GRIN3B: variants seen among roughly 807,000 people sequenced by gnomAD.
GRIN3B encodes the protein glutamate receptor ionotropic, NMDA 3B.
In GRIN3B, 77 loss-of-function variants were observed where a neutral mutation model predicts 66.0. That is an observed-to-expected ratio of 1.17 (90% CI 0.97 to 1.41). The LOEUF (loss-of-function observed/expected upper bound fraction) is 1.41, where lower values mean the gene tolerates loss of function less well. Ranked by LOEUF, GRIN3B falls within the 40% of genes most tolerant of loss-of-function variation. The pLI is 0.00. For missense variants in GRIN3B, 1,787 were observed against 1,564.5 expected (o/e 1.14, Z -2.40); for synonymous variants, 823 against 749.7 (o/e 1.10, Z -1.60).
chr19:1,009,627 C>A lies in GRIN3B; in HGVS notation c.*25C>A. 1 of 1,401,840 alleles carries A rather than the reference C, an allele frequency of 7.1e-7. No individual in the cohort carries two copies. Among genetic ancestry groups the A allele is most frequent in the Non-Finnish European group, 9.2e-7 (1 of 1,082,340 alleles). 86.8% of individuals were successfully genotyped at this position (1,401,840 alleles called of 1,614,324 possible). A position where few individuals can be genotyped will look rare whatever the true frequency, so the allele number is the denominator to read the frequency against. On this transcript the variant is annotated 3_prime_UTR_variant, in exon 9 of 9. Coordinates refer to ENST00000234389, the MANE Select transcript of GRIN3B (RefSeq NM_138690.3). ...AGGCGGCAGCCGGGCCGTTTGGGCT[C>A]AAGACACACACACAGCGCAGTGAGC... is the stretch of plus-strand genomic sequence containing the variant.
Position 1,005,088 on chromosome 19 carries a change from C to A in GRIN3B, c.1587C>A (p.Val529=). The change falls in exon 3 of 9, where the codon GTC becomes GTA. Residue 529 remains valine, a synonymous_variant. Coordinates refer to ENST00000234389, the MANE Select transcript of GRIN3B (RefSeq NM_138690.3). The surrounding 1 kb of genome is among the most constrained non-coding windows in gnomAD (Gnocchi z 5.2). The stretch of plus-strand genomic sequence containing the variant: ...TGGCCGGCCGGGCCCACATGGCGGT[C>A]ACCAGCTTCAGTATCAACTCCGCCC... ...DLLAGRAHMA[V]TSFSINSARS... 6.2e-7 allele frequency: 1 copy of A among 1,612,102 alleles called. No homozygotes were observed. Among genetic ancestry groups the A allele is most frequent in the Non-Finnish European group, 8.5e-7 (1 of 1,179,398 alleles).
rs770711156 is a variant in GRIN3B at position 1,005,244 on chromosome 19, C to T, written c.1743C>T (p.Val581=). 2.5e-5 allele frequency: 40 copies of T among 1,613,420 alleles called. No homozygotes were observed. In the South Asian group the frequency reaches 4.1e-4, roughly 16 times the overall value. Residue 581 remains valine, a synonymous_variant, in exon 3 of 9, where the codon GTC becomes GTT. Coordinates refer to ENST00000234389, the MANE Select transcript of GRIN3B (RefSeq NM_138690.3). The surrounding 1 kb of genome is among the most constrained non-coding windows in gnomAD (Gnocchi z 5.2). ...TGCACTGGTCCACGTGGCTGGGCGT[C>T]TTTGCGGCCCTGCACCTCACCGCGC... The part of the protein sequence containing the change: ...WPLHWSTWLG[V]FAALHLTALF...
Position 1,009,354 on chromosome 19 carries a change from TG to T in GRIN3B, c.2886del (p.Trp962CysfsTer123). 2 of 1,389,398 alleles carry T rather than the reference TG, an allele frequency of 1.4e-6. No homozygotes were observed. The highest frequency in any genetic ancestry group is 1.9e-6 in the Non-Finnish European group (2 of 1,080,990). The allele number at this position is 1,389,398 out of a possible 1,614,324, so 86.1% of individuals were successfully genotyped here. On this transcript the variant is annotated frameshift_variant, in exon 9 of 9. Transcript: ENST00000234389. LOFTEE classifies it low-confidence loss of function (END_TRUNC). ...AEAAPREGPV[W>X]LCSYGRPPAA... ...GGCTGCGCCGCGAGAGGGCCCCGTC[TG>T]GCTGTGCTCCTACGGCCGCCCGCCC...
chr19:1,008,072 C>A, intron 5 of GRIN3B, 68 bp from the exon 6 acceptor site: 2 of 1,566,322 alleles, frequency 1.3e-6, no homozygotes, highest in South Asian at 1.1e-5. Context: ...GGCGAAATCC[C>A]ACGTGTGCGG....
In GRIN3B at chr19:1,004,727, A is replaced by G; in HGVS notation, c.1226A>G (p.Gln409Arg). The G allele has an allele frequency of 6.2e-7, 1 of 1,606,716 alleles. No individual in the cohort carries two copies. The highest frequency in any genetic ancestry group is 1.3e-5 in the African/African-American group (1 of 74,876). Reference protein sequence around the residue: ...GGASARPPPPQGAQVWPKLRV... With the variant: ...GGASARPPPPRGAQVWPKLRV... Reference sequence around the variant, plus strand: ...GCCTCTGCACGGCCCCCGCCCCCACAGGGTGCCCAGGTCTGGCCCAAGCTG... The same window carrying G: ...GCCTCTGCACGGCCCCCGCCCCCACGGGGTGCCCAGGTCTGGCCCAAGCTG... Residue 409 changes from glutamine to arginine, a missense_variant, in exon 3 of 9, where the codon CAG becomes CGG. Coordinates refer to ENST00000234389, the MANE Select transcript of GRIN3B (RefSeq NM_138690.3).
At position 1,009,313 on chromosome 19, in the gene GRIN3B, C is replaced by G; in HGVS notation, c.2843C>G (p.Ala948Gly). Residue 948 changes from alanine (A) to glycine (G), a missense_variant, in exon 9 of 9, where the codon GCG becomes GGG. Physicochemically the swap from Ala to Gly is moderately conservative, Grantham distance 60. Coordinates refer to ENST00000234389, the MANE Select transcript of GRIN3B (RefSeq NM_138690.3). ...CCCGCCGTGGTTGTGGCACCCGAAG[C>G]GGACGCGGAGGCGGAGGCTGCGCCG... ...LEPAVVVAPE[A>G]DAEAEAAPRE... is the part of the protein sequence containing the mutation. The G allele has an allele frequency of 2.1e-6, 3 of 1,406,098 alleles. No homozygotes were observed. The highest frequency in any genetic ancestry group is 2.8e-6 in the Non-Finnish European group (3 of 1,090,042). 87.1% of individuals were successfully genotyped at this position (1,406,098 alleles called of 1,614,324 possible).
At position 1,005,380 on chromosome 19, in the gene GRIN3B, C is replaced by G. The variant is rs1456104518; in HGVS notation, c.1879C>G (p.Leu627Val). The G allele has an allele frequency of 1.2e-6, 2 of 1,613,766 alleles. No homozygotes were observed. Residue 627 changes from leucine (L) to valine (V), a missense_variant, in exon 3 of 9, where the codon CTC (leucine) becomes GTC (valine). Leu to Val is a conservative substitution (Grantham distance 32). Coordinates refer to ENST00000234389, the MANE Select transcript of GRIN3B (RefSeq NM_138690.3). The surrounding 1 kb of genome is among the most constrained non-coding windows in gnomAD (Gnocchi z 5.2). Reference protein sequence around the residue: ...SSALNLCYAILFRRTVSSKTP... With the variant: ...SSALNLCYAIVFRRTVSSKTP... The stretch of plus-strand genomic sequence containing the variant: ...AGCCCTCAACCTGTGCTACGCCATC[C>G]TCTTCAGACGCACCGTGTCCAGCAA...
rs1301604091 is a variant in GRIN3B at position 1,000,889 on chromosome 19, C to G, written c.426+26C>G. ...GTACGCGGGACGCCCGGAGTCAGGA[C>G]GAGGGGGACCCGGGGCGGGAGCGGG... On this transcript the variant is annotated intron_variant, in intron 1 of 8. Coordinates refer to ENST00000234389, the MANE Select transcript of GRIN3B (RefSeq NM_138690.3). The G allele has an allele frequency of 4.4e-6, 6 of 1,360,012 alleles. No homozygotes were observed. The African/African-American group carries it at 9.2e-5, about 21-fold the overall frequency. 84.2% of individuals were successfully genotyped at this position (1,360,012 alleles called of 1,614,324 possible).
intron 1 of GRIN3B, among the ~76,000 whole-genome samples, 191 bp from the exon 2 acceptor site, chr19:1,002,939 G>T (rs570536929): frequency 2.0e-5 from 3 of 152,264 alleles, no homozygotes; most frequent in East Asian, 3.9e-4. Flanking sequence ...GAGAGGCTGG[G>T]AGACTGAGCT....
intron 1 of GRIN3B, among the ~76,000 whole-genome samples, chr19:1,001,113 C>T (rs1599454269): frequency 6.6e-6 from 1 of 152,052 alleles, no homozygotes. Context: ...TCCAGGGACG[C>T]CCCTGGAACG....
chr19:1,000,424 C>T lies in GRIN3B; in HGVS notation c.-14C>T, dbSNP rs1185531448. 2.5e-6 allele frequency: 3 copies of T among 1,213,448 alleles called. No individual in the cohort carries two copies. Among genetic ancestry groups the T allele is most frequent in the Non-Finnish European group, 3.1e-6 (3 of 974,484 alleles). The allele number at this position is 1,213,448 out of a possible 1,614,324, so 75.2% of individuals were successfully genotyped here. On this transcript the variant is annotated 5_prime_UTR_variant, in exon 1 of 9. Transcript: ENST00000234389. ...TGGTTGCGCCCCGTGGCGAGCGACG[C>T]CGACAACTTTGCGATGGAGTTTGTG...
rs770471437 is a variant in GRIN3B, at chr19:1,004,885, G to A, written c.1384G>A (p.Ala462Thr). 20 of 1,601,368 alleles carry A rather than the reference G, an allele frequency of 1.2e-5. No individual in the cohort carries two copies. The highest frequency in any genetic ancestry group is 4.4e-5 in the South Asian group (4 of 90,788). The change falls in exon 3 of 9, where the codon GCG becomes ACG. Residue 462 changes from alanine to threonine, a missense_variant. Transcript: ENST00000234389. ...DSATLDALFAALANGSAPRAL... is the reference protein window; with the variant it reads ...DSATLDALFATLANGSAPRAL... ...GGCCACCCTGGACGCACTGTTCGCC[G>A]CGCTGGCCAACGGCTCAGCGCCCCG... is the stretch of plus-strand genomic sequence containing the variant.
intron 3 of GRIN3B, among the ~76,000 whole-genome samples, chr19:1,006,208 G>A (rs1047619371): frequency 2.6e-5 from 4 of 151,838 alleles, no homozygotes; most frequent in African/African-American, 9.7e-5. Context: ...GAGCGCAGTG[G>A]CACGATCTTG....
rs1196842772 is a variant in GRIN3B at position 1,007,831 on chromosome 19, T to C, written c.2199-25T>C. 1.3e-6 allele frequency: 2 copies of C among 1,577,836 alleles called. No individual in the cohort carries two copies. Among genetic ancestry groups the C allele is most frequent in the Admixed American group, 1.8e-5 (1 of 57,052 alleles). On this transcript the variant is annotated intron_variant, in intron 4 of 8. Transcript: ENST00000234389. This position sits in a 1 kb window ranked among gnomAD's most constrained non-coding sequence, Gnocchi z 4.4. ...GGCGTGGGGTGGGCGGGGCGATGGCTGACCCCCGCCCCCGGCCCCAGCAGG... is the reference window on the plus strand; with the variant it reads ...GGCGTGGGGTGGGCGGGGCGATGGCCGACCCCCGCCCCCGGCCCCAGCAGG...
intron 3 of GRIN3B, among the ~76,000 whole-genome samples, chr19:1,006,810 C>A (rs902830695): frequency 1.3e-5 from 2 of 152,234 alleles, no homozygotes; most frequent in Non-Finnish European, 2.9e-5. Context: ...CGCTGCACAG[C>A]TGAGCCGTCA....
intron 1 of GRIN3B, chr19:1,002,499 C>A (rs2145530767): frequency 6.8e-6 from 1 of 147,964 alleles, no homozygotes. Flanking sequence ...GGAGAACTTT[C>A]TGGATGGCAC....
In GRIN3B at chr19:1,007,657, C is replaced by A; in HGVS notation, c.2082C>A (p.Phe694Leu). ...ACCACCCGGCGCAGGGCTTCCGCTTCGGCACCGTGTGGGAGAGCAGCGCCG... is the reference window on the plus strand; with the variant it reads ...ACCACCCGGCGCAGGGCTTCCGCTTAGGCACCGTGTGGGAGAGCAGCGCCG... ...KLHHPAQGFR[F>L]GTVWESSAEA... is the part of the protein sequence containing the mutation. The change falls in exon 4 of 9, where the codon TTC (phenylalanine) becomes TTA (leucine). Residue 694 changes from phenylalanine (F) to leucine (L), a missense_variant. Coordinates refer to ENST00000234389, the MANE Select transcript of GRIN3B (RefSeq NM_138690.3). This position sits in a 1 kb window ranked among gnomAD's most constrained non-coding sequence, Gnocchi z 4.4. 1 of 1,528,286 alleles carries A rather than the reference C, an allele frequency of 6.5e-7. No individual in the cohort carries two copies. Among genetic ancestry groups the A allele is most frequent in the Non-Finnish European group, 8.8e-7 (1 of 1,140,052 alleles). 94.7% of individuals were successfully genotyped at this position (1,528,286 alleles called of 1,614,324 possible).
rs774489959 is a variant in GRIN3B at position 1,005,460 on chromosome 19, C to T, written c.1959C>T (p.Cys653=). 3 of 1,613,500 alleles carry T rather than the reference C, an allele frequency of 1.9e-6. No individual in the cohort carries two copies. The highest frequency in any genetic ancestry group is 2.5e-6 in the Non-Finnish European group (3 of 1,179,990). The change falls in exon 3 of 9, where the codon TGC becomes TGT. Residue 653 remains cysteine (C), a synonymous_variant. Coordinates refer to ENST00000234389, the MANE Select transcript of GRIN3B (RefSeq NM_138690.3). This position sits in a 1 kb window ranked among gnomAD's most constrained non-coding sequence, Gnocchi z 5.2. The part of the protein sequence containing the change: ...RLLMNLWAIF[C]LLVLSSYTAN... Reference sequence around the variant, plus strand: ...TCATGAACCTCTGGGCCATCTTCTGCCTGCTGGTGCTGTCCAGCTACACGG... The same window carrying T: ...TCATGAACCTCTGGGCCATCTTCTGTCTGCTGGTGCTGTCCAGCTACACGG...
rs746954525 is a variant in GRIN3B at position 1,005,281 on chromosome 19, G to A, written c.1780G>A (p.Val594Met). The change falls in exon 3 of 9, where the codon GTG (valine) becomes ATG (methionine). Residue 594 changes from valine to methionine, a missense_variant. By Grantham distance (21) the Val-to-Met change is conservative (BLOSUM62 1). Coordinates refer to ENST00000234389, the MANE Select transcript of GRIN3B (RefSeq NM_138690.3). This position sits in a 1 kb window ranked among gnomAD's most constrained non-coding sequence, Gnocchi z 5.2. Reference protein sequence around the residue: ...ALHLTALFLTVYEWRSPYGLT... With the variant: ...ALHLTALFLTMYEWRSPYGLT... ...GCACCTCACCGCGCTCTTCCTCACC[G>A]TGTACGAGTGGCGTAGCCCCTACGG... 2.7e-5 allele frequency: 44 copies of A among 1,613,434 alleles called. No homozygotes were observed. Among genetic ancestry groups the A allele is most frequent in the South Asian group, 2.2e-5 (2 of 91,092 alleles).
Sources: allele counts gnomAD v4.1 joint callset (sites outside exome capture counted in the v4.1 genomes callset), GRCh38; gene constraint gnomAD v4.1.1; non-coding constraint Gnocchi (gnomAD v3.1); transcripts MANE v1.5; gene names NCBI Gene and HGNC (gene_info 2026-07-23, HGNC 2026-07-21).